STX5: variants seen among roughly 807,000 people sequenced by gnomAD.
The protein encoded by STX5 is syntaxin 5.
STX5 carries 15 observed loss-of-function variants against 42.9 expected under a neutral mutation model. The observed-to-expected ratio is 0.35, with a 90% CI of 0.23 to 0.54. The LOEUF (loss-of-function observed/expected upper bound fraction) is 0.54, where lower values mean the gene tolerates loss of function less well. Among genes scored for constraint, STX5 ranks in the 20% least tolerant of loss-of-function variants. STX5 has a pLI of 0.91. For synonymous variants in STX5, 184 were observed against 173.2 expected, an observed-to-expected ratio of 1.06 and a Z score of -0.49; for missense variants, 430 against 455.0, an observed-to-expected ratio of 0.95 and a Z score of 0.50.
intron 10 of STX5, among the ~76,000 whole-genome samples, chr11:62,810,103 C>CAAAA: frequency 1.0e-5 from 1 of 97,566 alleles, no homozygotes; most frequent in East Asian, 3.1e-4. Context: ...GACTCCATCT[C>CAAAA]AAAAAAAAAA....
intron 5 of STX5, among the ~76,000 whole-genome samples, chr11:62,826,650 A>G (rs1456071557): frequency 6.6e-6 from 1 of 152,044 alleles, no homozygotes; most frequent in Non-Finnish European, 1.5e-5. Context: ...GCACTTTGGG[A>G]GGCCAAGGTG....
intron 10 of STX5, among the ~76,000 whole-genome samples, chr11:62,814,046 C>G (rs1264227069): frequency 6.6e-6 from 1 of 152,096 alleles, no homozygotes; most frequent in Admixed American, 6.6e-5. Context: ...TAGGCTCCCA[C>G]CAGACATATT....
chr11:62,820,026 G>A (rs1237439727), intron 10 of STX5, among the ~76,000 whole-genome samples: 4 of 151,344 alleles, frequency 2.6e-5, no homozygotes, highest in Non-Finnish European at 5.9e-5. Flanking sequence ...TGTTGAACAG[G>A]AATATGGATA....
At chr11:62,820,826 G>A (rs1363122866) in intron 10 of STX5, among the ~76,000 whole-genome samples, 5 of 151,740 alleles carry the variant, frequency 3.3e-5, no homozygotes, top group Non-Finnish European at 5.9e-5. Context: ...TCTATTTTTC[G>A]TTCCTCTGTT....
chr11:62,810,810 T>C (rs945231131), intron 10 of STX5, among the ~76,000 whole-genome samples: 4 of 152,246 alleles, frequency 2.6e-5, no homozygotes, highest in Admixed American at 2.6e-4. Flanking sequence ...ATTTTAAAGA[T>C]GGCATCCTTT....
At chr11:62,810,298 T>TG (rs1040496952) in intron 10 of STX5, among the ~76,000 whole-genome samples, 1 of 151,772 alleles carries the variant, frequency 6.6e-6, no homozygotes, top group Non-Finnish European at 1.5e-5. Context: ...AAAAATTAGC[T>TG]GGACATGGTG....
intron 8 of STX5, 29 bp from the exon 9 acceptor site, chr11:62,824,594 C>G (rs1184322128): frequency 6.2e-7 from 1 of 1,607,112 alleles, no homozygotes; most frequent in Non-Finnish European, 8.5e-7. Flanking sequence ...TGTGGCACAC[C>G]TTAACAGTTA....
At chr11:62,815,934 G>A (rs1421943527) in intron 10 of STX5, 2 of 151,988 alleles carry the variant, frequency 1.3e-5, no homozygotes, top group African/African-American at 2.4e-5. Context: ...CTTGGGGCTT[G>A]GTATACATAT....
At chr11:62,826,403 C>T (rs935934997) in intron 5 of STX5, among the ~76,000 whole-genome samples, 1 of 147,650 alleles carries the variant, frequency 6.8e-6, no homozygotes, top group African/African-American at 2.5e-5. Flanking sequence ...ACTAAAAATA[C>T]AAAATTAGCC....
In STX5 at chr11:62,825,562, A is replaced by C. The variant is rs184395629; in HGVS notation, c.424-23T>G. 24 of 1,606,880 alleles carry C rather than the reference A, an allele frequency of 1.5e-5. No individual in the cohort carries two copies. The East Asian group carries it at 5.4e-4, about 36-fold the overall frequency. ...GTCCTGGTAAAAGAGTCCAAGGAAAAACAAAGTATTAGCCAAGGAGTCCTT... is the reference window on the plus strand; with the variant it reads ...GTCCTGGTAAAAGAGTCCAAGGAAACACAAAGTATTAGCCAAGGAGTCCTT... On this transcript the variant is annotated intron_variant, in intron 5 of 10. Coordinates refer to ENST00000294179, the MANE Select transcript of STX5 (RefSeq NM_003164.5).
intron 10 of STX5, among the ~76,000 whole-genome samples, chr11:62,816,722 G>GA (rs71056565): frequency 0.069 from 6,207 of 90,108 alleles, 420 homozygotes; most frequent in African/African-American, 0.18. Context: ...CGCCTTTACT[G>GA]AAAAAAAAAA....
chr11:62,829,802 T>C (rs192553204), intron 2 of STX5, among the ~76,000 whole-genome samples: 102 of 150,028 alleles, frequency 6.8e-4, no homozygotes, highest in African/African-American at 2.4e-3. Context: ...TGGTGACTCA[T>C]ACCTGTAATC....
At chr11:62,808,124 G>A (rs1467782019) in intron 10 of STX5, 1 of 153,862 alleles carries the variant, frequency 6.5e-6, no homozygotes, top group Non-Finnish European at 1.5e-5. Flanking sequence ...CAGGAAATCA[G>A]GGGATAAAAA....
At chr11:62,811,429 C>G (rs1393803417) in intron 10 of STX5, among the ~76,000 whole-genome samples, 3 of 152,222 alleles carry the variant, frequency 2.0e-5, no homozygotes, top group African/African-American at 7.2e-5. Context: ...CACAGGTTAT[C>G]TGTGACCTGG....
chr11:62,807,209 G>C lies in STX5; in HGVS notation c.*260C>G, dbSNP rs1199283936. 3 of 338,294 alleles carry C rather than the reference G, an allele frequency of 8.9e-6. No individual in the cohort carries two copies. In the Admixed American group the frequency reaches 1.3e-4, roughly 15 times the overall value. 21.0% of individuals were successfully genotyped at this position (338,294 alleles called of 1,614,324 possible). ...AACCTCCCCCACTGGCCCCCAGCTG[G>C]CCTCTGCTCCCTTCCAGTCACTTCA... On this transcript the variant is annotated 3_prime_UTR_variant, in exon 11 of 11. Coordinates refer to ENST00000294179, the MANE Select transcript of STX5 (RefSeq NM_003164.5).
At position 62,807,358 on chromosome 11, in the gene STX5, G is replaced by A. The variant is rs1370507610; in HGVS notation, c.*111C>T. The A allele has an allele frequency of 6.8e-7, 1 of 1,464,984 alleles. No homozygotes were observed. Among genetic ancestry groups the A allele is most frequent in the Admixed American group, 2.5e-5 (1 of 40,386 alleles). The allele number at this position is 1,464,984 out of a possible 1,614,324, so 90.7% of individuals were successfully genotyped here. ...AGTGGTCATTCTTAGCAGTTCCAGG[G>A]AAACAGGGCCTTTCTCCCAAGTACC... is the stretch of plus-strand genomic sequence containing the variant. On this transcript the variant is annotated 3_prime_UTR_variant, in exon 11 of 11. Coordinates refer to ENST00000294179, the MANE Select transcript of STX5 (RefSeq NM_003164.5).
At chr11:62,811,883 AC>A (rs2084620700) in intron 10 of STX5, among the ~76,000 whole-genome samples, 2 of 151,958 alleles carry the variant, frequency 1.3e-5, no homozygotes, top group South Asian at 4.2e-4. Flanking sequence ...ATGGTCTTTC[AC>A]CCTTTTATCC....
At chr11:62,827,729 G>A in intron 2 of STX5, 98 bp from the exon 3 acceptor site, 3 of 1,233,868 alleles carry the variant, frequency 2.4e-6, no homozygotes, top group Non-Finnish European at 3.5e-6. Context: ...CTCTAGTGCT[G>A]GTGGCATCCA....
chr11:62,821,606 C>T (rs2084740953), intron 10 of STX5, among the ~76,000 whole-genome samples: 1 of 151,974 alleles, frequency 6.6e-6, no homozygotes, highest in East Asian at 1.9e-4. Context: ...TGCATGTAAT[C>T]CCAGCTACTC....
Sources: allele counts gnomAD v4.1 joint callset (sites outside exome capture counted in the v4.1 genomes callset), GRCh38; gene constraint gnomAD v4.1.1; transcripts MANE v1.5; gene names NCBI Gene and HGNC (gene_info 2026-07-23, HGNC 2026-07-21).